The following PSMA1 variants were observed in gnomAD, a reference collection of about 807,000 sequenced individuals.
PSMA1 encodes the protein proteasome subunit alpha type-1.
PSMA1 carries 3 observed loss-of-function variants against 38.4 expected under a neutral mutation model. The observed-to-expected ratio is 0.08, with a 90% CI of 0.04 to 0.20. The LOEUF (loss-of-function observed/expected upper bound fraction) is 0.20. Ranked by LOEUF, PSMA1 falls within the 10% of genes least tolerant of loss-of-function variation. The pLI is 1.00. For synonymous variants in PSMA1, 101 were observed against 107.1 expected (o/e 0.94, Z 0.35); for missense variants, 227 against 325.3 (o/e 0.70, Z 2.32).
intron 2 of PSMA1, among the ~76,000 whole-genome samples, chr11:14,610,311 C>T (rs752793638): frequency 4.6e-5 from 7 of 151,544 alleles, no homozygotes; most frequent in Non-Finnish European, 8.8e-5. Context: ...ATGTTTCTGG[C>T]ACCCCATGCT....
chr11:14,584,500 G>GTTTTTTTTTTTTTTTT (rs765040764), intron 2 of PSMA1, among the ~76,000 whole-genome samples: 1 of 133,666 alleles, frequency 7.5e-6, no homozygotes. Context: ...TGTTTTTTTT[G>GTTTTTTTTTTTTTTTT]TTTTTTGTTT....
intron 8 of PSMA1, 84 bp from the exon 9 acceptor site, chr11:14,507,850 G>A (rs1347240633): frequency 2.1e-6 from 2 of 931,150 alleles, no homozygotes; most frequent in East Asian, 5.0e-5. Context: ...GAAAAAAGCA[G>A]AATAAGAATT....
intron 1 of PSMA1, among the ~76,000 whole-genome samples, chr11:14,627,617 C>T (rs1291460739): frequency 6.6e-6 from 1 of 152,158 alleles, no homozygotes. Flanking sequence ...ATTACTTAAT[C>T]TCAATTGTCC....
intron 2 of PSMA1, among the ~76,000 whole-genome samples, chr11:14,589,405 A>G (rs1400346801): frequency 6.7e-6 from 1 of 148,606 alleles, no homozygotes; most frequent in African/African-American, 2.6e-5. Context: ...GTGTGTATAT[A>G]TATATGTGTA....
At chr11:14,543,795 T>C (rs1851797480) in intron 2 of PSMA1, among the ~76,000 whole-genome samples, 1 of 152,220 alleles carries the variant, frequency 6.6e-6, no homozygotes, top group Admixed American at 6.5e-5. Flanking sequence ...TTTATTATAA[T>C]GATGAGAAAA....
intron 1 of PSMA1, among the ~76,000 whole-genome samples, chr11:14,636,093 G>C (rs1424578776): frequency 1.3e-5 from 2 of 152,098 alleles, no homozygotes; most frequent in African/African-American, 2.4e-5. Flanking sequence ...AACTAACAAA[G>C]AAATGATGAA....
At chr11:14,549,239 T>C (rs1443276492) in intron 2 of PSMA1, among the ~76,000 whole-genome samples, 2 of 152,212 alleles carry the variant, frequency 1.3e-5, no homozygotes, top group African/African-American at 4.8e-5. Context: ...GGATATGGAT[T>C]AACCTCCTTT....
intron 2 of PSMA1, among the ~76,000 whole-genome samples, chr11:14,531,468 C>T (rs1255079277): frequency 6.6e-6 from 1 of 152,078 alleles, no homozygotes; most frequent in Non-Finnish European, 1.5e-5. Context: ...TTTGTGTTTT[C>T]CTTTTGGTTT....
At chr11:14,605,016 A>C (rs1458233562) in intron 2 of PSMA1, among the ~76,000 whole-genome samples, 1 of 152,190 alleles carries the variant, frequency 6.6e-6, no homozygotes, top group East Asian at 1.9e-4. Context: ...GATGAACATG[A>C]GAATACATAT....
chr11:14,533,367 T>C (rs773391397), intron 2 of PSMA1, among the ~76,000 whole-genome samples: 1 of 152,184 alleles, frequency 6.6e-6, no homozygotes, highest in South Asian at 2.1e-4. Context: ...GACTCTCATA[T>C]TTCTTTACCA....
At position 14,517,643 on chromosome 11, in the gene PSMA1, A is replaced by T. The variant is rs763816580; in HGVS notation, c.253T>A (p.Cys85Ser). 1 of 1,572,228 alleles carries T rather than the reference A, an allele frequency of 6.4e-7. No individual in the cohort carries two copies. The highest frequency in any genetic ancestry group is 8.6e-7 in the Non-Finnish European group (1 of 1,161,088). Residue 85 changes from cysteine (C) to serine (S), a missense_variant and splice_region_variant, in exon 4 of 10, where the codon TGT (cysteine) becomes AGT (serine). Transcript: ENST00000396394. ...TTTATTTTTCATGATTATACTTACC[A>T]TAACAGTCTAGCATCAGCAGTAAGC... The part of the protein sequence containing the change: ...AGLTADARLL[C>S]NFMRQECLDS...
intron 1 of PSMA1, among the ~76,000 whole-genome samples, chr11:14,612,234 ATTCAT>A (rs1165207417): frequency 6.6e-6 from 1 of 152,234 alleles, no homozygotes; most frequent in African/African-American, 2.4e-5. Flanking sequence ...AAAACAAAAC[ATTCAT>A]TTCAGTTTTT....
intron 1 of PSMA1, among the ~76,000 whole-genome samples, chr11:14,641,454 A>T (rs2133729293): frequency 6.6e-6 from 1 of 152,340 alleles, no homozygotes; most frequent in South Asian, 2.1e-4. Context: ...AAACATAGCT[A>T]GCTCATTCTT....
intron 2 of PSMA1, among the ~76,000 whole-genome samples, chr11:14,587,108 A>G (rs544164914): frequency 1.4e-4 from 22 of 152,186 alleles, no homozygotes; most frequent in Admixed American, 1.4e-3. Context: ...TTTTCATTTC[A>G]GGTAGAAAGG....
At chr11:14,523,255 G>A (rs1377883210), upstream of PSMA1, among the ~76,000 whole-genome samples, 3 of 152,032 alleles carry the variant, frequency 2.0e-5, no homozygotes, top group Admixed American at 6.5e-5. Context: ...AAGATACATC[G>A]TTAAAAACAA....
At chr11:14,532,751 C>T (rs1203738125) in intron 2 of PSMA1, among the ~76,000 whole-genome samples, 3 of 151,168 alleles carry the variant, frequency 2.0e-5, no homozygotes, top group African/African-American at 7.3e-5. Flanking sequence ...AGTTGGAGAC[C>T]ACCTTGACCA....
chr11:14,552,708 T>C (rs1851899258), intron 2 of PSMA1, among the ~76,000 whole-genome samples: 1 of 152,188 alleles, frequency 6.6e-6, no homozygotes, highest in South Asian at 2.1e-4. Flanking sequence ...ATTTCTATAA[T>C]TTCTACCAAC....
intron 2 of PSMA1, among the ~76,000 whole-genome samples, chr11:14,535,219 A>G (rs933452825): frequency 5.3e-5 from 8 of 152,044 alleles, no homozygotes; most frequent in African/African-American, 1.4e-4. Flanking sequence ...ATTAATAGAC[A>G]TAATTGGGAA....
chr11:14,538,023 A>C (rs1851729947), intron 2 of PSMA1, among the ~76,000 whole-genome samples: 1 of 152,110 alleles, frequency 6.6e-6, no homozygotes, highest in Non-Finnish European at 1.5e-5. Context: ...ATTGCTTTTT[A>C]ATGTGAACTA....
Sources: allele counts gnomAD v4.1 joint callset (sites outside exome capture counted in the v4.1 genomes callset), GRCh38; gene constraint gnomAD v4.1.1; transcripts MANE v1.5; gene names NCBI Gene and HGNC (gene_info 2026-07-23, HGNC 2026-07-21).